Variants in TCF12 observed in about 807,000 individuals in gnomAD.
TCF12 encodes the protein DNA-binding protein HTF4.
Under a neutral mutation model 86.0 loss-of-function variants are expected in TCF12, and 45 were observed. That is an observed-to-expected ratio of 0.52 (90% confidence interval 0.41 to 0.67). The LOEUF is 0.67. Ranked by LOEUF, TCF12 falls within the 30% of genes least tolerant of loss-of-function variation. TCF12 has a pLI of 0.00. For synonymous variants in TCF12, 330 were observed against 299.6 expected (o/e 1.10, Z -1.05); for missense variants, 881 against 859.9 (o/e 1.02, Z -0.31).
chr15:57,247,572 C>A lies in TCF12; in HGVS notation c.1115-3778C>A, dbSNP rs778065835. On this transcript the variant is annotated intron_variant, in intron 13 of 20. Coordinates refer to ENST00000333725, the MANE Select transcript of TCF12 (RefSeq NM_207037.2). ...CCTGTCTTTTTTCCACTCTGCCTGT[C>A]TTCCATAACTTCTGCGGTTTCAATC... 270 of 869,862 alleles carry A rather than the reference C, an allele frequency of 3.1e-4. 1 individual carries two copies. Among genetic ancestry groups the A allele is most frequent in the African/African-American group, 4.9e-5 (3 of 61,058 alleles). The allele number at this position is 869,862 out of a possible 1,614,324, so 53.9% of individuals were successfully genotyped here. A position where few individuals can be genotyped will look rare whatever the true frequency, so the allele number is the denominator to read the frequency against.
chr15:57,002,110 A>G (rs1237941027), intron 3 of TCF12, among the ~76,000 whole-genome samples: 3 of 152,220 alleles, frequency 2.0e-5, no homozygotes, highest in Non-Finnish European at 4.4e-5. Context: ...TGATTGGAGC[A>G]CAAGTGGTGA....
chr15:56,978,145 T>G (rs1421068713), intron 3 of TCF12, among the ~76,000 whole-genome samples: 3 of 152,228 alleles, frequency 2.0e-5, no homozygotes, highest in African/African-American at 7.2e-5. Flanking sequence ...TGTTTGTAAC[T>G]TGCACAGCTT....
chr15:57,033,061 T>C (rs1193778164), intron 3 of TCF12, among the ~76,000 whole-genome samples: 2 of 151,960 alleles, frequency 1.3e-5, no homozygotes, highest in African/African-American at 4.8e-5. Flanking sequence ...ATGGACTCAA[T>C]AACAGAATGG....
chr15:56,961,084 A>C (rs1474515563), intron 3 of TCF12, among the ~76,000 whole-genome samples: 1 of 149,358 alleles, frequency 6.7e-6, no homozygotes, highest in African/African-American at 2.5e-5. Context: ...AGGTTGCAGT[A>C]GGCCGAGATC....
At chr15:57,061,545 G>T (rs113931615) in intron 3 of TCF12, among the ~76,000 whole-genome samples, 1,880 of 152,328 alleles carry the variant, frequency 0.012, 39 homozygotes, top group African/African-American at 0.042. Context: ...TGTGGTTGCA[G>T]TGAGCTATCA....
At chr15:56,942,087 T>A (rs1409735125) in intron 3 of TCF12, among the ~76,000 whole-genome samples, 1 of 152,188 alleles carries the variant, frequency 6.6e-6, no homozygotes, top group Non-Finnish European at 1.5e-5. Context: ...ACTTCCAGAT[T>A]TCTGAGATGC....
intron 5 of TCF12, among the ~76,000 whole-genome samples, chr15:57,163,489 C>T (rs2054639952): frequency 6.6e-6 from 1 of 152,062 alleles, no homozygotes; most frequent in Middle Eastern, 3.2e-3. Context: ...TGCTTGAGCC[C>T]AGGAGTTTGA....
At chr15:57,246,503 T>A (rs2059864887) in intron 13 of TCF12, among the ~76,000 whole-genome samples, 1 of 152,012 alleles carries the variant, frequency 6.6e-6, no homozygotes, top group South Asian at 2.1e-4. Flanking sequence ...TTCCTCAGGC[T>A]GGTAGCAAGA....
chr15:56,919,095 GGCGCTCAGGCCCGCTGGCGGC>G (rs1233688963), intron 1 of TCF12, 189 bp downstream of exon 1: 3 of 151,824 alleles, frequency 2.0e-5, no homozygotes, highest in Non-Finnish European at 2.9e-5. Context: ...TCGAGTCGCG[GGCGCTCAGGCCCGCTGGCGGC>G]GCGCTCGGCC....
At chr15:57,018,741 C>T (rs1329579174) in intron 3 of TCF12, among the ~76,000 whole-genome samples, 4 of 152,100 alleles carry the variant, frequency 2.6e-5, no homozygotes, top group South Asian at 2.1e-4. Flanking sequence ...GTGCCCTAGC[C>T]GGGGCCTGAT....
chr15:57,030,261 C>T (rs763874858), intron 3 of TCF12, among the ~76,000 whole-genome samples: 4 of 152,070 alleles, frequency 2.6e-5, no homozygotes, highest in Non-Finnish European at 5.9e-5. Flanking sequence ...TTAATTGAAT[C>T]ATGGTCTTGC....
At chr15:57,155,607 C>T (rs1028337833) in intron 5 of TCF12, among the ~76,000 whole-genome samples, 1 of 152,102 alleles carries the variant, frequency 6.6e-6, no homozygotes, top group Non-Finnish European at 1.5e-5. Context: ...CCAGCCTGGG[C>T]AACATAAGAG....
intron 5 of TCF12, among the ~76,000 whole-genome samples, chr15:57,154,810 T>C (rs1226142281): frequency 6.6e-6 from 1 of 152,170 alleles, no homozygotes; most frequent in East Asian, 1.9e-4. Flanking sequence ...TTTTTTCTCT[T>C]CTAATTAAGA....
At chr15:57,086,209 G>GATAATAATAATA (rs1404728992) in intron 4 of TCF12, among the ~76,000 whole-genome samples, 1,011 of 39,260 alleles carry the variant, frequency 0.026, 9 homozygotes, top group African/African-American at 0.082. Context: ...CTTGGATGAT[G>GATAATAATAATA]ATGATAATAA....
At chr15:57,116,071 G>A (rs1404576876) in intron 5 of TCF12, among the ~76,000 whole-genome samples, 2 of 152,132 alleles carry the variant, frequency 1.3e-5, no homozygotes, top group Non-Finnish European at 2.9e-5. Flanking sequence ...AAAAAGTGGG[G>A]CAGGTATTGT....
intron 3 of TCF12, among the ~76,000 whole-genome samples, chr15:56,968,771 G>C (rs1269130061): frequency 1.3e-5 from 2 of 152,314 alleles, no homozygotes; most frequent in Non-Finnish European, 2.9e-5. Flanking sequence ...AGGAGGTCCT[G>C]ATGACATGTG....
intron 3 of TCF12, among the ~76,000 whole-genome samples, chr15:56,937,625 A>G (rs138551352): frequency 0.041 from 6,150 of 151,480 alleles, 375 homozygotes; most frequent in Admixed American, 0.17. Context: ...TCTTGTTCCA[A>G]TTCTCGGAGG....
In TCF12 at chr15:56,923,310, T is replaced by C. The variant is rs186918007; in HGVS notation, c.148+2212T>C. On this transcript the variant is annotated intron_variant, in intron 3 of 20. Transcript: ENST00000333725. ...GCATGTGATGTTATCTTTAATCTTA[T>C]TCCTGAAGCAAAACAAATAACTCAT... Among the ~76,000 whole-genome samples, 21 of 152,206 alleles carry C rather than the reference T, an allele frequency of 1.4e-4. No homozygotes were observed. The East Asian group carries it at 4.1e-3, about 29-fold the overall frequency.
intron 6 of TCF12, among the ~76,000 whole-genome samples, chr15:57,181,696 A>G (rs1247149737): frequency 2.6e-5 from 4 of 152,252 alleles, no homozygotes; most frequent in African/African-American, 9.6e-5. Flanking sequence ...GAAAAAACTT[A>G]AAATACATGT....
Sources: allele counts gnomAD v4.1 joint callset (sites outside exome capture counted in the v4.1 genomes callset), GRCh38; gene constraint gnomAD v4.1.1; transcripts MANE v1.5; gene names NCBI Gene and HGNC (gene_info 2026-07-23, HGNC 2026-07-21).